The following PRKCE variants were observed in gnomAD, a reference collection of about 807,000 sequenced individuals.
The protein encoded by PRKCE is protein kinase C epsilon type.
In PRKCE, 16 loss-of-function variants were observed where a neutral mutation model predicts 85.4. The ratio of observed to expected loss-of-function variants is 0.19; its 90% confidence interval spans 0.13 to 0.28. The LOEUF (loss-of-function observed/expected upper bound fraction) is 0.28. Ranked by LOEUF, PRKCE falls within the 10% of genes least tolerant of loss-of-function variation. The probability of loss-of-function intolerance (pLI) is 1.00; values close to 1 mark genes in which losing one functional copy is unlikely to be tolerated. For synonymous variants in PRKCE, 388 were observed against 371.5 expected, an observed-to-expected ratio of 1.04 and a Z score of -0.51; for missense variants, 573 against 975.2, an observed-to-expected ratio of 0.59 and a Z score of 5.49.
chr2:45,846,411 AC>A (rs1558744505), intron 2 of PRKCE, among the ~76,000 whole-genome samples: 1 of 152,166 alleles, frequency 6.6e-6, no homozygotes, highest in African/African-American at 2.4e-5. Context: ...TGTCATGCTC[AC>A]CTGGGAGAGT....
chr2:45,815,085 A>G (rs778657746), intron 1 of PRKCE, among the ~76,000 whole-genome samples: 1 of 152,156 alleles, frequency 6.6e-6, no homozygotes, highest in Non-Finnish European at 1.5e-5. Flanking sequence ...CATCCTCCCC[A>G]TGGGAGAATT....
rs1471296586 is a variant in PRKCE, at chr2:46,007,537, C to T, written c.1139C>T (p.Ser380Leu). Reference sequence around the variant, plus strand: ...CGAGGAGAGGAGCACCGGGCAGCATCGTCTCCTGATGGCCAGCTGATGAGC... The same window carrying T: ...CGAGGAGAGGAGCACCGGGCAGCATTGTCTCCTGATGGCCAGCTGATGAGC... ...DNRGEEHRAA[S>L]SPDGQLMSPG... Residue 380 changes from serine to leucine, a missense_variant, in exon 9 of 15, where the codon TCG becomes TTG. Physicochemically the swap from Ser to Leu is moderately radical, Grantham distance 145. This residue lies in a region of PRKCE where 117 missense variants were observed against 104.8 expected (regional missense o/e 1.12). Coordinates refer to ENST00000306156, the MANE Select transcript of PRKCE (RefSeq NM_005400.3). 25 of 1,599,672 alleles carry T rather than the reference C, an allele frequency of 1.6e-5. No individual in the cohort carries two copies. Among genetic ancestry groups the T allele is most frequent in the South Asian group, 2.2e-5 (2 of 91,094 alleles).
chr2:45,981,757 A>G (rs1702907033), intron 5 of PRKCE, among the ~76,000 whole-genome samples: 1 of 152,198 alleles, frequency 6.6e-6, no homozygotes. Context: ...TTTACTGGGT[A>G]TGTCCTGTAT....
intron 14 of PRKCE, among the ~76,000 whole-genome samples, chr2:46,165,599 ACATTT>A (rs1678261132): frequency 6.6e-6 from 1 of 152,220 alleles, no homozygotes; most frequent in African/African-American, 2.4e-5. Context: ...TAACAGTAGC[ACATTT>A]CGCTTTTGTG....
At chr2:45,764,700 A>G (rs1684772427) in intron 1 of PRKCE, among the ~76,000 whole-genome samples, 1 of 152,192 alleles carries the variant, frequency 6.6e-6, no homozygotes, top group Non-Finnish European at 1.5e-5. Flanking sequence ...TAGTAAGCCC[A>G]TTTAGAAATA....
chr2:45,736,822 C>T (rs969030719), intron 1 of PRKCE, among the ~76,000 whole-genome samples: 2 of 152,274 alleles, frequency 1.3e-5, no homozygotes, highest in Middle Eastern at 3.4e-3. Context: ...TGATGGTAAG[C>T]GACTGTGGAT....
At chr2:45,885,272 C>T (rs1695209642) in intron 2 of PRKCE, among the ~76,000 whole-genome samples, 1 of 152,056 alleles carries the variant, frequency 6.6e-6, no homozygotes, top group Non-Finnish European at 1.5e-5. Context: ...AATTTAATCA[C>T]ACCATGTGAC....
chr2:45,755,657 C>T (rs1482032535), intron 1 of PRKCE, among the ~76,000 whole-genome samples: 1 of 152,200 alleles, frequency 6.6e-6, no homozygotes, highest in African/African-American at 2.4e-5. Flanking sequence ...TTTTATGCTG[C>T]ATGAGGGCAG....
chr2:46,169,385 A>C (rs574833948), intron 14 of PRKCE, among the ~76,000 whole-genome samples: 2 of 152,310 alleles, frequency 1.3e-5, no homozygotes, highest in East Asian at 3.9e-4. Context: ...TCACTGTGAG[A>C]AGGCCTGGCC....
In PRKCE at chr2:45,960,341, G is replaced by A. The variant is rs190041483; in HGVS notation, c.413-16088G>A. Among the ~76,000 whole-genome samples, 23 of 152,284 alleles carry A rather than the reference G, an allele frequency of 1.5e-4. No homozygotes were observed. The East Asian group carries it at 3.1e-3, about 20-fold the overall frequency. On this transcript the variant is annotated intron_variant, in intron 2 of 14. Transcript: ENST00000306156. The stretch of plus-strand genomic sequence containing the variant: ...GATACTAATCGTGTAGAATCCTTTC[G>A]AGAAATAGAGAAAATATGTTTTAAT...
chr2:46,008,938 A>G (rs777536593), intron 9 of PRKCE, among the ~76,000 whole-genome samples: 2 of 152,228 alleles, frequency 1.3e-5, no homozygotes, highest in Non-Finnish European at 2.9e-5. Context: ...TCTGTAAAAT[A>G]CGCGGGCGAC....
At chr2:45,688,221 C>T (rs2104019017) in intron 1 of PRKCE, among the ~76,000 whole-genome samples, 1 of 152,108 alleles carries the variant, frequency 6.6e-6, no homozygotes, top group South Asian at 2.1e-4. Flanking sequence ...AGTTGGAGGC[C>T]AGAAGGAAAT....
At chr2:45,829,509 C>T (rs1690224811) in intron 1 of PRKCE, among the ~76,000 whole-genome samples, 1 of 152,176 alleles carries the variant, frequency 6.6e-6, no homozygotes, top group African/African-American at 2.4e-5. Flanking sequence ...AGGCCATCAT[C>T]AAACTATTTC....
At chr2:46,060,264 A>T (rs773024966) in intron 10 of PRKCE, among the ~76,000 whole-genome samples, 10 of 152,146 alleles carry the variant, frequency 6.6e-5, no homozygotes, top group Non-Finnish European at 1.5e-4. Flanking sequence ...AGTTAAGCAA[A>T]TGTATGATTG....
chr2:45,966,725 C>T (rs1485708693), intron 2 of PRKCE, among the ~76,000 whole-genome samples: 7 of 152,104 alleles, frequency 4.6e-5, no homozygotes, highest in Non-Finnish European at 1.0e-4. Flanking sequence ...ACAGTTTTCC[C>T]GGTCCTAAAG....
At chr2:45,694,708 G>C (rs116954974) in intron 1 of PRKCE, among the ~76,000 whole-genome samples, 1 of 152,346 alleles carries the variant, frequency 6.6e-6, no homozygotes, top group East Asian at 1.9e-4. Context: ...AGATGGGTAA[G>C]ACATGGAATA....
At chr2:46,074,662 T>C (rs952573041) in intron 10 of PRKCE, among the ~76,000 whole-genome samples, 2 of 152,154 alleles carry the variant, frequency 1.3e-5, no homozygotes, top group African/African-American at 4.8e-5. Flanking sequence ...GACTCTTGAG[T>C]TTCTGGAATC....
chr2:45,893,177 G>T (rs538275672), intron 2 of PRKCE, among the ~76,000 whole-genome samples: 1 of 152,122 alleles, frequency 6.6e-6, no homozygotes, highest in Non-Finnish European at 1.5e-5. Flanking sequence ...GAGTAGTTTG[G>T]TGGAAAGAAG....
intron 2 of PRKCE, among the ~76,000 whole-genome samples, chr2:45,864,811 C>T (rs909250580): frequency 1.3e-5 from 2 of 152,186 alleles, no homozygotes; most frequent in African/African-American, 4.8e-5. Context: ...TCTCTTGCTG[C>T]TTGGAGCTCT....
Sources: gnomAD v4.1 joint callset for allele counts (sites outside exome capture counted in the v4.1 genomes callset) on GRCh38, gnomAD v4.1.1 for gene constraint, gnomAD v4.1.1 regional missense constraint, MANE v1.5 for transcripts, NCBI Gene and HGNC (gene_info 2026-07-23, HGNC 2026-07-21) for gene names.